Variants in CHRM3 observed in about 807,000 individuals in gnomAD.
CHRM3 encodes the protein cholinergic receptor muscarinic 3.
In CHRM3, 11 loss-of-function variants were observed where a neutral mutation model predicts 41.8. That is an observed-to-expected ratio of 0.26 (90% CI 0.17 to 0.44). The LOEUF is 0.44. Ranked by LOEUF, CHRM3 falls within the 20% of genes least tolerant of loss-of-function variation. The pLI is 1.00. For synonymous variants in CHRM3, 297 were observed against 301.4 expected (o/e 0.99, Z 0.15); for missense variants, 571 against 745.4 (o/e 0.77, Z 2.72).
chr1:239,645,744 T>C (rs952326556), intron 4 of CHRM3, among the ~76,000 whole-genome samples: 8 of 151,916 alleles, frequency 5.3e-5, no homozygotes, highest in African/African-American at 1.9e-4. Context: ...TCTAATGGAA[T>C]GACTACAAAA....
intron 1 of CHRM3, among the ~76,000 whole-genome samples, chr1:239,454,997 A>G (rs1664818942): frequency 6.6e-6 from 1 of 152,144 alleles, no homozygotes; most frequent in Non-Finnish European, 1.5e-5. Context: ...ATATATTATT[A>G]CATTACTGAC....
chr1:239,813,874 G>A (rs556577353), intron 5 of CHRM3, among the ~76,000 whole-genome samples: 5 of 130,946 alleles, frequency 3.8e-5, no homozygotes, highest in Non-Finnish European at 7.7e-5. Context: ...CCGAGATCCC[G>A]CCACTGCACT....
At chr1:239,753,656 A>C (rs1237273873) in intron 5 of CHRM3, among the ~76,000 whole-genome samples, 1 of 152,198 alleles carries the variant, frequency 6.6e-6, no homozygotes, top group Non-Finnish European at 1.5e-5. Context: ...GGGTGGAGAC[A>C]GAGAGCCAAA....
chr1:239,458,068 A>G (rs1467714054), intron 1 of CHRM3, among the ~76,000 whole-genome samples: 1 of 137,980 alleles, frequency 7.2e-6, no homozygotes, highest in Non-Finnish European at 1.7e-5. Context: ...GTAGCTGAAG[A>G]AAAAAAAAAG....
chr1:239,507,407 G>T (rs1022573939), intron 2 of CHRM3, among the ~76,000 whole-genome samples: 2 of 152,166 alleles, frequency 1.3e-5, no homozygotes, highest in Admixed American at 6.5e-5. Context: ...TCTCTTGTCT[G>T]CCACCATGTG....
chr1:239,871,994 A>G (rs1201048053), intron 6 of CHRM3, among the ~76,000 whole-genome samples: 1 of 152,196 alleles, frequency 6.6e-6, no homozygotes, highest in Non-Finnish European at 1.5e-5. Flanking sequence ...CTGGAAATAG[A>G]AATGAAAAAT....
At chr1:239,487,590 G>T (rs776974581) in intron 1 of CHRM3, among the ~76,000 whole-genome samples, 1 of 151,960 alleles carries the variant, frequency 6.6e-6, no homozygotes, top group Non-Finnish European at 1.5e-5. Flanking sequence ...CAATACAATG[G>T]CAAGTTTTTA....
chr1:239,785,088 T>C (rs981626216), intron 5 of CHRM3, among the ~76,000 whole-genome samples: 1 of 152,230 alleles, frequency 6.6e-6, no homozygotes, highest in Non-Finnish European at 1.5e-5. Flanking sequence ...CCACTATCCA[T>C]GTGCCAGCTT....
chr1:239,872,259 T>C (rs750858619), intron 6 of CHRM3, among the ~76,000 whole-genome samples: 10 of 152,234 alleles, frequency 6.6e-5, no homozygotes, highest in Non-Finnish European at 1.0e-4. Context: ...CATTGCTACC[T>C]TTTTAGTTTT....
intron 6 of CHRM3, among the ~76,000 whole-genome samples, chr1:239,830,143 C>T (rs1005207722): frequency 1.3e-5 from 2 of 152,118 alleles, no homozygotes; most frequent in African/African-American, 4.8e-5. Context: ...CTGCCCTGCT[C>T]ATTTAGTGGG....
chr1:239,627,998 G>T (rs1057304850), intron 3 of CHRM3, among the ~76,000 whole-genome samples: 1 of 94,158 alleles, frequency 1.1e-5, no homozygotes, highest in Non-Finnish European at 2.0e-5. Context: ...TGCTCTTCTC[G>T]AGGAGTATCT....
At chr1:239,591,206 C>T (rs1419510407) in intron 3 of CHRM3, among the ~76,000 whole-genome samples, 1 of 152,152 alleles carries the variant, frequency 6.6e-6, no homozygotes, top group Non-Finnish European at 1.5e-5. Flanking sequence ...TAGTTGGTGA[C>T]AATTCCGCCT....
At chr1:239,525,340 A>G (rs1669922077) in intron 2 of CHRM3, among the ~76,000 whole-genome samples, 1 of 116,432 alleles carries the variant, frequency 8.6e-6, no homozygotes, top group Non-Finnish European at 2.1e-5. Flanking sequence ...TGCTGTCCCC[A>G]AAAAAGAAAA....
chr1:239,469,155 C>G lies in CHRM3; in HGVS notation c.-520-23554C>G, dbSNP rs372542459. 3.9e-5 allele frequency among the ~76,000 whole-genome samples: 6 copies of G among 152,236 alleles called. No individual in the cohort carries two copies. In the South Asian group the frequency reaches 6.2e-4, roughly 16 times the overall value. On this transcript the variant is annotated intron_variant, in intron 1 of 6. Coordinates refer to ENST00000676153, the MANE Select transcript of CHRM3 (RefSeq NM_001375978.1). ...TATTTATTCAACCTGGGTCTCGGAT[C>G]TACTCCCCTGAAATTAGTTTATTTT...
intron 1 of CHRM3, among the ~76,000 whole-genome samples, chr1:239,444,652 T>C (rs917210979): frequency 1.3e-5 from 2 of 152,144 alleles, no homozygotes; most frequent in African/African-American, 4.8e-5. Context: ...ATCAGAATTA[T>C]ATTAGGTCAG....
At chr1:239,470,442 A>AC (rs751226978) in intron 1 of CHRM3, among the ~76,000 whole-genome samples, 38 of 151,580 alleles carry the variant, frequency 2.5e-4, no homozygotes, top group East Asian at 3.9e-4. Flanking sequence ...AAAAATTCAC[A>AC]CCCCCCCACT....
intron 1 of CHRM3, among the ~76,000 whole-genome samples, chr1:239,401,790 G>T (rs1292605635): frequency 2.6e-5 from 4 of 152,100 alleles, no homozygotes; most frequent in Admixed American, 1.3e-4. Context: ...ACCATGCCCG[G>T]CAGACTTTGA....
At chr1:239,513,161 G>A (rs2148211208) in intron 2 of CHRM3, among the ~76,000 whole-genome samples, 1 of 152,284 alleles carries the variant, frequency 6.6e-6, no homozygotes, top group African/African-American at 2.4e-5. Flanking sequence ...TTTATGGGTA[G>A]TGTGAAACAT....
intron 5 of CHRM3, among the ~76,000 whole-genome samples, chr1:239,701,080 T>C (rs1660643947): frequency 6.6e-6 from 1 of 152,240 alleles, no homozygotes; most frequent in South Asian, 2.1e-4. Context: ...TTCTTAATAA[T>C]AACTAAAGTT....
Sources: gnomAD v4.1 joint callset for allele counts (sites outside exome capture counted in the v4.1 genomes callset) on GRCh38, gnomAD v4.1.1 for gene constraint, MANE v1.5 for transcripts, NCBI Gene and HGNC (gene_info 2026-07-23, HGNC 2026-07-21) for gene names.